SHROOM3: variants seen among roughly 807,000 people sequenced by gnomAD.
SHROOM3 encodes shroom family member 3, also known as protein Shroom3.
Under a neutral mutation model 138.6 loss-of-function variants are expected in SHROOM3, and 47 were observed. The ratio of observed to expected loss-of-function variants is 0.34; its 90% CI spans 0.27 to 0.43. The LOEUF is 0.43. Among genes scored for constraint, SHROOM3 ranks in the 20% least tolerant of loss-of-function variants. The pLI, the probability that SHROOM3 is intolerant of heterozygous loss-of-function variation, is 1.00. For missense variants in SHROOM3, 2,491 were observed against 2,596.5 expected, an observed-to-expected ratio of 0.96 and a Z score of 0.88; for synonymous variants, 1,062 against 1,063.3, an observed-to-expected ratio of 1.00 and a Z score of 0.02.
chr4:76,555,887 C>A, intron 2 of SHROOM3, 124 bp downstream of exon 2: 1 of 1,067,486 alleles, frequency 9.4e-7, no homozygotes, highest in Non-Finnish European at 1.4e-6. Context: ...ATGTATGGAT[C>A]CTGCCTTTTT....
intron 5 of SHROOM3, 37 bp from the exon 6 acceptor site, chr4:76,748,980 T>TA: frequency 1.2e-6 from 2 of 1,603,990 alleles, no homozygotes; most frequent in Non-Finnish European, 1.7e-6. Flanking sequence ...AACACCCGTT[T>TA]ATTGGCAGTA....
chr4:76,618,067 A>G (rs1323516273), intron 2 of SHROOM3, among the ~76,000 whole-genome samples: 1 of 152,254 alleles, frequency 6.6e-6, no homozygotes, highest in Non-Finnish European at 1.5e-5. Flanking sequence ...TGGGAGTCCA[A>G]GGCAGGAGGA....
At chr4:76,603,241 G>A (rs565909713) in intron 2 of SHROOM3, among the ~76,000 whole-genome samples, 5 of 152,226 alleles carry the variant, frequency 3.3e-5, no homozygotes, top group Admixed American at 2.6e-4. Flanking sequence ...ACACGGTGAA[G>A]CCCTGTCTCT....
At chr4:76,454,499 C>G (rs1730988158) in intron 1 of SHROOM3, among the ~76,000 whole-genome samples, 1 of 152,210 alleles carries the variant, frequency 6.6e-6, no homozygotes, top group Admixed American at 6.5e-5. Context: ...TGGACTCTCT[C>G]TATTCTATTG....
intron 2 of SHROOM3, among the ~76,000 whole-genome samples, chr4:76,582,117 G>C (rs1734063707): frequency 6.6e-6 from 1 of 152,214 alleles, no homozygotes; most frequent in South Asian, 2.1e-4. Flanking sequence ...TGACATTCTT[G>C]TGAGCAGAAG....
chr4:76,770,548 G>T, intron 9 of SHROOM3, 78 bp from the exon 10 acceptor site: 26 of 1,558,194 alleles, frequency 1.7e-5, no homozygotes, highest in Non-Finnish European at 2.3e-5. Flanking sequence ...GATGACAGAA[G>T]GTGGCTGGGG....
chr4:76,721,998 A>C (rs999048855), intron 3 of SHROOM3, among the ~76,000 whole-genome samples: 9 of 152,142 alleles, frequency 5.9e-5, no homozygotes, highest in African/African-American at 2.2e-4. Context: ...AGCAAGGCAT[A>C]GGGGTACGTG....
chr4:76,529,400 T>G (rs1310765434), intron 1 of SHROOM3, among the ~76,000 whole-genome samples: 3 of 151,820 alleles, frequency 2.0e-5, no homozygotes, highest in Non-Finnish European at 4.4e-5. Context: ...CACTGCAAGC[T>G]CCACCTCCCG....
intron 2 of SHROOM3, among the ~76,000 whole-genome samples, chr4:76,677,861 G>T (rs1719084918): frequency 6.6e-6 from 1 of 152,200 alleles, no homozygotes; most frequent in Admixed American, 6.5e-5. Context: ...CCTACGGGGA[G>T]AAAGTTGTGC....
At chr4:76,691,812 C>T (rs1451644620) in intron 2 of SHROOM3, among the ~76,000 whole-genome samples, 1 of 152,114 alleles carries the variant, frequency 6.6e-6, no homozygotes, top group Non-Finnish European at 1.5e-5. Context: ...AATGTTTATT[C>T]TTGCTTTCCC....
intron 2 of SHROOM3, among the ~76,000 whole-genome samples, chr4:76,638,150 T>A (rs1469950853): frequency 6.6e-6 from 1 of 152,206 alleles, no homozygotes; most frequent in Non-Finnish European, 1.5e-5. Flanking sequence ...AATTTTTTAA[T>A]AGCACCAAAT....
intron 1 of SHROOM3, among the ~76,000 whole-genome samples, chr4:76,520,530 G>A (rs1355244500): frequency 1.3e-5 from 2 of 152,174 alleles, no homozygotes; most frequent in Non-Finnish European, 2.9e-5. Flanking sequence ...GTGGCTCAGA[G>A]AGGCGCAGAG....
chr4:76,546,432 G>A (rs17002083), intron 1 of SHROOM3, among the ~76,000 whole-genome samples: 3,040 of 152,278 alleles, frequency 0.02, 100 homozygotes, highest in African/African-American at 0.067. Context: ...TTAAAGTCCA[G>A]CATTTAGTTC....
At chr4:76,458,904 T>C (rs1731086217) in intron 1 of SHROOM3, among the ~76,000 whole-genome samples, 1 of 152,236 alleles carries the variant, frequency 6.6e-6, no homozygotes, top group Non-Finnish European at 1.5e-5. Context: ...ACAGGAGCTC[T>C]GTGTACCTTC....
At chr4:76,726,541 T>TAAAA (rs61455146) in intron 3 of SHROOM3, among the ~76,000 whole-genome samples, 1,318 of 90,798 alleles carry the variant, frequency 0.015, 36 homozygotes, top group African/African-American at 0.044. Flanking sequence ...CCCCTCCATC[T>TAAAA]AAAAAAAAAA....
chr4:76,751,946 G>A (rs1249015234), intron 6 of SHROOM3, among the ~76,000 whole-genome samples: 1 of 152,190 alleles, frequency 6.6e-6, no homozygotes, highest in East Asian at 1.9e-4. Flanking sequence ...ATCTGGCAAT[G>A]CCACTTCAGA....
chr4:76,496,787 TC>T (rs60790028), intron 1 of SHROOM3, among the ~76,000 whole-genome samples: 86,165 of 151,916 alleles, frequency 0.57, 25,381 homozygotes, highest in Non-Finnish European at 0.64. Context: ...TTCTTACTCA[TC>T]CTTTCCATTT....
chr4:76,638,376 A>G (rs1735562861), intron 2 of SHROOM3, among the ~76,000 whole-genome samples: 1 of 151,822 alleles, frequency 6.6e-6, no homozygotes, highest in Non-Finnish European at 1.5e-5. Context: ...CAGCATAGCA[A>G]GACCCTGTTT....
At chr4:76,511,271 G>A (rs115382967) in intron 1 of SHROOM3, among the ~76,000 whole-genome samples, 1,651 of 152,202 alleles carry the variant, frequency 0.011, 13 homozygotes, top group Middle Eastern at 0.017. Context: ...CAAAAGACTA[G>A]GCTCTTGGCT....
Sources: gnomAD v4.1 joint callset for allele counts (sites outside exome capture counted in the v4.1 genomes callset) on GRCh38, gnomAD v4.1.1 for gene constraint, MANE v1.5 for transcripts, NCBI Gene and HGNC (gene_info 2026-07-23, HGNC 2026-07-21) for gene names.